ARSB: variants seen among roughly 807,000 people sequenced by gnomAD.
ARSB encodes arylsulfatase B.
In ARSB, 41 loss-of-function variants were observed where a neutral mutation model predicts 50.9. The observed-to-expected ratio is 0.81, with a 90% CI of 0.63 to 1.04. ARSB has a LOEUF of 1.04. Among genes scored for constraint, ARSB ranks in the 50% least tolerant of loss-of-function variants. The pLI is 0.00. For missense variants in ARSB, 672 were observed against 693.3 expected, an observed-to-expected ratio of 0.97 and a Z score of 0.35; for synonymous variants, 269 against 284.8, an observed-to-expected ratio of 0.94 and a Z score of 0.56.
At chr5:78,868,693 A>G (rs1746945950) in intron 5 of ARSB, among the ~76,000 whole-genome samples, 1 of 147,290 alleles carries the variant, frequency 6.8e-6, no homozygotes, top group Non-Finnish European at 1.5e-5. Context: ...AACCGGTACC[A>G]GCCGCTGCAA....
At chr5:78,854,013 G>A (rs946126203) in intron 5 of ARSB, among the ~76,000 whole-genome samples, 11 of 152,224 alleles carry the variant, frequency 7.2e-5, no homozygotes, top group African/African-American at 1.7e-4. Flanking sequence ...TGCACTTCCC[G>A]AGTGAGGCAA....
chr5:78,984,899 G>T (rs1753086564), intron 1 of ARSB, 38 bp downstream of exon 1: 3 of 1,277,360 alleles, frequency 2.3e-6, no homozygotes, highest in Non-Finnish European at 3.0e-6. Context: ...GGCGAAAGGC[G>T]GGGCGGGGGC....
chr5:78,802,788 A>G (rs1232649662), intron 6 of ARSB, among the ~76,000 whole-genome samples: 1 of 152,208 alleles, frequency 6.6e-6, no homozygotes, highest in Non-Finnish European at 1.5e-5. Context: ...GGCTTAGCTA[A>G]TTGGTGTCCA....
At position 78,870,199 on chromosome 5, in the gene ARSB, G is replaced by A. The variant is rs560915367; in HGVS notation, c.1142+15385C>T. On this transcript the variant is annotated intron_variant, in intron 5 of 7. Transcript: ENST00000264914. ...ATTTTACCAACCAAAAAGAGTCCAG[G>A]ACCAGAAGGATTCACAGCCGAATTC... Among the ~76,000 whole-genome samples the A allele has an allele frequency of 1.4e-4, 20 of 147,706 alleles. No individual in the cohort carries two copies. The South Asian group carries it at 4.0e-3, about 30-fold the overall frequency.
intron 6 of ARSB, among the ~76,000 whole-genome samples, chr5:78,790,904 A>T (rs1398440599): frequency 6.6e-6 from 1 of 152,188 alleles, no homozygotes; most frequent in African/African-American, 2.4e-5. Flanking sequence ...TATGTTCCAG[A>T]ATTTAAAGAG....
intron 6 of ARSB, among the ~76,000 whole-genome samples, chr5:78,793,793 C>A (rs1402531929): frequency 6.6e-6 from 1 of 152,070 alleles, no homozygotes; most frequent in Non-Finnish European, 1.5e-5. Context: ...AGGTGGGGAC[C>A]TTGATTAGTC....
At chr5:78,980,734 A>ATGTGGTGTG (rs762799769) in intron 1 of ARSB, among the ~76,000 whole-genome samples, 1 of 150,900 alleles carries the variant, frequency 6.6e-6, no homozygotes, top group Non-Finnish European at 1.5e-5. Context: ...AAGTGTGTGT[A>ATGTGGTGTG]TGTGTGTGTG....
At chr5:78,804,172 A>T (rs1743487504) in intron 6 of ARSB, among the ~76,000 whole-genome samples, 1 of 151,822 alleles carries the variant, frequency 6.6e-6, no homozygotes, top group African/African-American at 2.4e-5. Context: ...GTCTCTCAGG[A>T]TTTGCAACTG....
intron 4 of ARSB, among the ~76,000 whole-genome samples, chr5:78,908,986 A>C (rs1201754443): frequency 6.6e-6 from 1 of 152,198 alleles, no homozygotes; most frequent in Admixed American, 6.5e-5. Flanking sequence ...TGCTTTATAT[A>C]TTAAACAAAG....
intron 2 of ARSB, among the ~76,000 whole-genome samples, chr5:78,965,530 G>A (rs2112517427): frequency 6.6e-6 from 1 of 152,198 alleles, no homozygotes; most frequent in East Asian, 1.9e-4. Context: ...TGATAAAAAT[G>A]TTCTACAATT....
intron 6 of ARSB, among the ~76,000 whole-genome samples, chr5:78,802,630 G>A (rs941593766): frequency 1.3e-5 from 2 of 152,166 alleles, no homozygotes; most frequent in African/African-American, 2.4e-5. Context: ...AACAGAGGCC[G>A]TGGAGGAGAA....
chr5:78,908,549 C>A (rs540294878), intron 4 of ARSB, among the ~76,000 whole-genome samples: 1 of 152,102 alleles, frequency 6.6e-6, no homozygotes, highest in African/African-American at 2.4e-5. Context: ...AACGGGCAGG[C>A]TCTGTGCGGG....
At position 78,881,146 on chromosome 5, in the gene ARSB, C is replaced by T. The variant is rs112146984; in HGVS notation, c.1142+4438G>A. On this transcript the variant is annotated intron_variant, in intron 5 of 7. Transcript: ENST00000264914. ...ACTCGGGAAGCTGAGACATGAGAAC[C>T]GCTTGAACCCAGGAGGCAGAGATCG... Among the ~76,000 whole-genome samples, 171 of 151,984 alleles carry T rather than the reference C, an allele frequency of 1.1e-3. 1 individual carries two copies. Among genetic ancestry groups the T allele is most frequent in the African/African-American group, 4.0e-3 (167 of 41,444 alleles).
At chr5:78,791,032 T>C (rs77266835) in intron 6 of ARSB, among the ~76,000 whole-genome samples, 2,588 of 152,316 alleles carry the variant, frequency 0.017, 82 homozygotes, top group African/African-American at 0.059. Context: ...CTATTTGTTT[T>C]TTATCATTTC....
At chr5:78,933,771 T>G (rs1750453172) in intron 4 of ARSB, among the ~76,000 whole-genome samples, 1 of 152,206 alleles carries the variant, frequency 6.6e-6, no homozygotes, top group South Asian at 2.1e-4. Flanking sequence ...ATATGTTACC[T>G]TACATGGCAA....
intron 6 of ARSB, among the ~76,000 whole-genome samples, chr5:78,798,379 TTG>T (rs1248964987): frequency 6.8e-6 from 1 of 147,520 alleles, no homozygotes; most frequent in Admixed American, 6.7e-5. Context: ...TAAATAGGCA[TTG>T]TGTGTAAAAA....
chr5:78,800,538 G>T (rs1226012927), intron 6 of ARSB, among the ~76,000 whole-genome samples: 1 of 151,998 alleles, frequency 6.6e-6, no homozygotes, highest in African/African-American at 2.4e-5. Context: ...AAATCAACAA[G>T]AATTTTTTGA....
intron 4 of ARSB, among the ~76,000 whole-genome samples, chr5:78,939,558 T>A (rs116139283): frequency 0.035 from 5,276 of 152,200 alleles, 285 homozygotes; most frequent in African/African-American, 0.12. Flanking sequence ...TTGCGATAGA[T>A]TGCTGAAAAT....
At chr5:78,926,679 T>C (rs987661699) in intron 4 of ARSB, among the ~76,000 whole-genome samples, 1 of 152,222 alleles carries the variant, frequency 6.6e-6, no homozygotes, top group African/African-American at 2.4e-5. Context: ...TACAGTCTAC[T>C]ATGTGTTATT....
Sources: allele counts gnomAD v4.1 joint callset (sites outside exome capture counted in the v4.1 genomes callset), GRCh38; gene constraint gnomAD v4.1.1; transcripts MANE v1.5; gene names NCBI Gene and HGNC (gene_info 2026-07-23, HGNC 2026-07-21).